PSD3: variants seen among roughly 807,000 people sequenced by gnomAD.
PSD3 encodes PH and SEC7 domain-containing protein 3.
A neutral mutation model predicts 105.5 loss-of-function variants in PSD3; 49 were observed. The observed-to-expected ratio is 0.46, with a 90% CI of 0.37 to 0.59. The LOEUF is 0.59. Ranked by LOEUF, PSD3 falls within the 20% of genes least tolerant of loss-of-function variation. The pLI is 0.00. For missense variants in PSD3, 1,561 were observed against 1,263.8 expected (o/e 1.24, Z -3.57); for synonymous variants, 557 against 457.8 (o/e 1.22, Z -2.77).
rs1384658211 is a variant in PSD3 at position 18,694,564 on chromosome 8, C to A, written c.2173-38879G>T. Among the ~76,000 whole-genome samples, 3 of 150,792 alleles carry A rather than the reference C, an allele frequency of 2.0e-5. No individual in the cohort carries two copies. In the East Asian group the frequency reaches 5.9e-4, roughly 29 times the overall value. ...GGCAGAGCTTGCAGTGAGCCGAGAT[C>A]GTGCCACTGCACTCCAGCCTGGGCA... On this transcript the variant is annotated intron_variant, in intron 9 of 15. Transcript: ENST00000327040.
chr8:19,001,803 TC>T, intron 1 of PSD3: 1 of 158,528 alleles, frequency 6.3e-6, no homozygotes, highest in Non-Finnish European at 1.4e-5. Context: ...CCAAAGAGTA[TC>T]CAACCATTCA....
chr8:18,841,619 C>G (rs1814635598), intron 4 of PSD3, among the ~76,000 whole-genome samples: 1 of 152,122 alleles, frequency 6.6e-6, no homozygotes, highest in South Asian at 2.1e-4. Context: ...GTGGGCTTCT[C>G]TGGTCTGTGC....
chr8:18,776,617 C>A (rs1372980302), intron 8 of PSD3, among the ~76,000 whole-genome samples: 1 of 152,002 alleles, frequency 6.6e-6, no homozygotes, highest in African/African-American at 2.4e-5. Context: ...ACCTCGTGAT[C>A]TGCTAGCTTT....
chr8:19,043,671 C>T (rs1828210911), intron 1 of PSD3, among the ~76,000 whole-genome samples: 1 of 152,180 alleles, frequency 6.6e-6, no homozygotes, highest in Non-Finnish European at 1.5e-5. Flanking sequence ...AAGAGCTCCA[C>T]ACTCATGAGT....
At chr8:18,807,379 G>A (rs532409926) in intron 4 of PSD3, among the ~76,000 whole-genome samples, 13 of 152,074 alleles carry the variant, frequency 8.5e-5, no homozygotes, top group East Asian at 1.9e-4. Flanking sequence ...ACACTTTATC[G>A]GCAAGCACCT....
rs180951470 is a variant in PSD3, at chr8:19,046,117, T to C, written c.324+38089A>G. Among the ~76,000 whole-genome samples, 11 of 152,270 alleles carry C rather than the reference T, an allele frequency of 7.2e-5. No homozygotes were observed. The East Asian group carries it at 1.7e-3, about 24-fold the overall frequency. On this transcript the variant is annotated intron_variant, in intron 1 of 1. Coordinates refer to the PSD3 transcript ENST00000521475. ...GGTGAAGTAACTAGATCTTTTGTTG[T>C]TGGTGGTGTTTTGAGATGGAGTCTC...
intron 11 of PSD3, among the ~76,000 whole-genome samples, chr8:18,616,648 G>A (rs1411996902): frequency 4.1e-4 from 23 of 55,602 alleles, no homozygotes; most frequent in Non-Finnish European, 1.8e-4. Context: ...TTTTGAGACG[G>A]AGTCTCGCTC....
In PSD3 at chr8:18,582,816, C is replaced by CTTTTTTTT. The variant is rs71217386; in HGVS notation, c.2482-7539_2482-7532dup. Among the ~76,000 whole-genome samples the CTTTTTTTT allele has an allele frequency of 2.5e-3, 318 of 125,390 alleles. 12 individuals are homozygous for CTTTTTTTT. Among genetic ancestry groups the CTTTTTTTT allele is most frequent in the Middle Eastern group, 4.1e-3 (1 of 242 alleles). 82.3% of individuals were successfully genotyped at this position (125,390 alleles called of 152,430 possible). On this transcript the variant is annotated intron_variant, in intron 12 of 15. Transcript: ENST00000327040. ...TTCTCCAACCTGCAGCCACACTGAT[C>CTTTTTTTT]TTTTTTTTTTTTTTTTTTTTTTTTT...
intron 9 of PSD3, among the ~76,000 whole-genome samples, chr8:18,747,209 G>A (rs1016171516): frequency 1.3e-5 from 2 of 152,130 alleles, no homozygotes; most frequent in African/African-American, 4.8e-5. Context: ...AATGTATGTG[G>A]GTACCTGCAG....
intron 9 of PSD3, among the ~76,000 whole-genome samples, chr8:18,702,908 G>C (rs1401242895): frequency 6.6e-6 from 1 of 152,004 alleles, no homozygotes; most frequent in Non-Finnish European, 1.5e-5. Context: ...CACCGCGCTT[G>C]GACAGCTATA....
chr8:19,059,728 A>C (rs1828833236), intron 1 of PSD3, among the ~76,000 whole-genome samples: 4 of 152,250 alleles, frequency 2.6e-5, no homozygotes, highest in Admixed American at 2.6e-4. Flanking sequence ...TTAGAAAATA[A>C]ATTGTAAAGA....
chr8:18,792,203 T>A (rs1809786980), intron 8 of PSD3, among the ~76,000 whole-genome samples: 1 of 152,118 alleles, frequency 6.6e-6, no homozygotes, highest in African/African-American at 2.4e-5. Flanking sequence ...GACCTAGCAA[T>A]CCCATTACTG....
chr8:19,076,839 G>A (rs1475543076), intron 1 of PSD3, among the ~76,000 whole-genome samples: 2 of 152,008 alleles, frequency 1.3e-5, no homozygotes, highest in South Asian at 2.1e-4. Context: ...CTACTGGTGC[G>A]ACTCTTTGAC....
chr8:18,765,363 A>T, intron 9 of PSD3, 86 bp downstream of exon 9: 1 of 1,221,998 alleles, frequency 8.2e-7, no homozygotes, highest in Non-Finnish European at 1.2e-6. Flanking sequence ...AAAATACTTA[A>T]GTGATCCTTA....
chr8:18,637,419 C>T (rs1448525302), intron 10 of PSD3, among the ~76,000 whole-genome samples: 2 of 152,144 alleles, frequency 1.3e-5, no homozygotes, highest in Non-Finnish European at 2.9e-5. Context: ...CACTACAATG[C>T]CAAATGGAAC....
chr8:18,935,623 GAGGTCAAGGCTGC>G (rs1822066243), intron 2 of PSD3, among the ~76,000 whole-genome samples: 1 of 151,468 alleles, frequency 6.6e-6, no homozygotes, highest in East Asian at 1.9e-4. Flanking sequence ...TTTGAGCCTG[GAGGTCAAGGCTGC>G]AGTAAGCTAG....
In PSD3 at chr8:18,698,060, G is replaced by A. The variant is rs144588735; in HGVS notation, c.2173-42375C>T. On this transcript the variant is annotated intron_variant, in intron 9 of 15. Coordinates refer to ENST00000327040, the MANE Select transcript of PSD3 (RefSeq NM_015310.4). The stretch of plus-strand genomic sequence containing the variant: ...TAAGTTAACGAACTTAAGGAGAAGA[G>A]ATTACCCTGGGTTGTCTCAGTGGGC... 3.5e-3 allele frequency among the ~76,000 whole-genome samples: 531 copies of A among 152,196 alleles called. 3 individuals are homozygous for A. The highest frequency in any genetic ancestry group is 0.012 in the African/African-American group (516 of 41,514).
At chr8:18,654,715 G>A (rs1808759181) in intron 10 of PSD3, among the ~76,000 whole-genome samples, 2 of 152,178 alleles carry the variant, frequency 1.3e-5, no homozygotes, top group Non-Finnish European at 2.9e-5. Context: ...CTTGGGGACT[G>A]ATAACACACA....
At chr8:18,803,980 A>T (rs912083118) in intron 6 of PSD3, among the ~76,000 whole-genome samples, 1 of 151,780 alleles carries the variant, frequency 6.6e-6, no homozygotes, top group African/African-American at 2.4e-5. Context: ...AAACAGAAAA[A>T]CTCCTACAGA....
Sources: allele counts gnomAD v4.1 joint callset (sites outside exome capture counted in the v4.1 genomes callset), GRCh38; gene constraint gnomAD v4.1.1; transcripts MANE v1.5; gene names NCBI Gene and HGNC (gene_info 2026-07-23, HGNC 2026-07-21).